MCM3: variants seen among roughly 807,000 people sequenced by gnomAD.
MCM3 encodes minichromosome maintenance complex component 3, also known as DNA replication licensing factor MCM3.
Under a neutral mutation model 91.3 loss-of-function variants are expected in MCM3, and 59 were observed. The ratio of observed to expected loss-of-function variants is 0.65; its 90% CI spans 0.52 to 0.80. The LOEUF is 0.80. MCM3 is among the 30% of genes least tolerant of loss of function. The pLI, the probability that MCM3 is intolerant of heterozygous loss-of-function variation, is 0.00. For missense variants in MCM3, 919 were observed against 1,035.4 expected (o/e 0.89, Z 1.54); for synonymous variants, 383 against 379.6 (o/e 1.01, Z -0.10).
At chr6:52,270,689 T>C (rs1765056706) in intron 12 of MCM3, among the ~76,000 whole-genome samples, 1 of 151,998 alleles carries the variant, frequency 6.6e-6, no homozygotes, top group African/African-American at 2.4e-5. Flanking sequence ...ATTAAAATAG[T>C]GTATGACGCT....
At chr6:52,266,546 G>A (rs1764656133) in intron 15 of MCM3, 65 bp downstream of exon 15, 6 of 1,421,534 alleles carry the variant, frequency 4.2e-6, no homozygotes, top group Non-Finnish European at 5.0e-6. Context: ...AAAGTGCACA[G>A]AGCAACTGGA....
In MCM3 at chr6:52,282,762, C is replaced by T; in HGVS notation, c.291G>A (p.Glu97=). 3.7e-6 allele frequency: 6 copies of T among 1,614,108 alleles called. 1 individual carries two copies. In the South Asian group the frequency reaches 5.5e-5, roughly 15 times the overall value. Reference sequence around the variant, plus strand: ...AGCTGCCTTCCAGTCCTACGTAGAACTCCTCATACTGCTTGGCATAGGTAG... The same window carrying T: ...AGCTGCCTTCCAGTCCTACGTAGAATTCCTCATACTGCTTGGCATAGGTAG... ...IDATYAKQYE[E]FYVGLEGSFG... Residue 97 remains glutamate (E), a synonymous_variant, in exon 3 of 17, where the codon GAG becomes GAA. Coordinates refer to ENST00000596288, the MANE Select transcript of MCM3 (RefSeq NM_002388.6).
Position 52,282,158 on chromosome 6 carries a change from T to C in MCM3, c.418A>G (p.Lys140Glu), listed in dbSNP as rs900735602. 4 of 1,614,044 alleles carry C rather than the reference T, an allele frequency of 2.5e-6. No homozygotes were observed. Among genetic ancestry groups the C allele is most frequent in the Non-Finnish European group, 2.5e-6 (3 of 1,179,998 alleles). Residue 140 changes from lysine (K) to glutamate (E), a missense_variant, in exon 4 of 17, where the codon AAA becomes GAA. Lys to Glu is a moderately conservative substitution (Grantham distance 56, BLOSUM62 1). Around this residue, in one of 3 missense-constraint regions of MCM3, gnomAD observed 401 missense variants for 402.7 expected, o/e 1.00. Coordinates refer to ENST00000596288, the MANE Select transcript of MCM3 (RefSeq NM_002388.6). ...CAGTAGTGGACACTGCGGACGACTTTGGGACGAACTAGAGAACCTAGGGAT... is the reference window on the plus strand; with the variant it reads ...CAGTAGTGGACACTGCGGACGACTTCGGGACGAACTAGAGAACCTAGGGAT... ...IVTKCSLVRP[K>E]VVRSVHYCPA...
chr6:52,266,664 C>G lies in MCM3; in HGVS notation c.2105G>C (p.Gly702Ala), dbSNP rs1764666892. 1 of 1,614,026 alleles carries G rather than the reference C, an allele frequency of 6.2e-7. No individual in the cohort carries two copies. ...RKTRQPDAKD[G>A]DSYDPYDFSD... ...GAAGTCATAGGGGTCGTATGAATCC[C>G]CATCTTTGGCATCTGGCTGGCGAGT... The change falls in exon 15 of 17, where the codon GGG (glycine) becomes GCG (alanine). Residue 702 changes from glycine (G) to alanine (A), a missense_variant. Around this residue, in one of 3 missense-constraint regions of MCM3, gnomAD observed 285 missense variants for 311.4 expected, o/e 0.92. Transcript: ENST00000596288.
At chr6:52,283,547 C>T (rs532785401) in intron 1 of MCM3, 141 bp from the exon 2 acceptor site, 1 of 663,224 alleles carries the variant, frequency 1.5e-6, no homozygotes, top group African/African-American at 1.8e-5. Flanking sequence ...TCATCAATTT[C>T]TCCCTTTCAT....
intron 11 of MCM3, 91 bp from the exon 12 acceptor site, chr6:52,272,542 A>T (rs1211105314): frequency 2.7e-6 from 4 of 1,468,692 alleles, no homozygotes; most frequent in African/African-American, 2.8e-5. Context: ...GCCAGGGTCA[A>T]AACAAAGCCT....
At chr6:52,270,328 C>CAAAAAAAAAA (rs35565084) in intron 12 of MCM3, among the ~76,000 whole-genome samples, 5 of 103,460 alleles carry the variant, frequency 4.8e-5, no homozygotes, top group Non-Finnish European at 7.8e-5. Context: ...GATTCCATCT[C>CAAAAAAAAAA]AAAAAAAAAA....
At chr6:52,275,974 T>G (rs1452774138) in intron 9 of MCM3, 5 of 331,648 alleles carry the variant, frequency 1.5e-5, no homozygotes, top group Non-Finnish European at 2.8e-5. Context: ...TTAGAAATTC[T>G]CCCGCCACAT....
chr6:52,284,509 G>T, intron 1 of MCM3, 88 bp downstream of exon 1: 1 of 1,241,546 alleles, frequency 8.1e-7, no homozygotes, highest in Non-Finnish European at 1.1e-6. Context: ...CACACGGTCT[G>T]GAGGTCTGGC....
At chr6:52,284,389 A>T (rs556191326) in intron 1 of MCM3, among the ~76,000 whole-genome samples, 1 of 152,306 alleles carries the variant, frequency 6.6e-6, no homozygotes, top group South Asian at 2.1e-4. Context: ...TGTACTTAAG[A>T]GAAAGCTGGC....
intron 1 of MCM3, among the ~76,000 whole-genome samples, chr6:52,283,615 C>A (rs552779036): frequency 1.3e-5 from 2 of 152,332 alleles, no homozygotes; most frequent in African/African-American, 2.4e-5. Context: ...ATTATAATGA[C>A]TTCCTCAAGG....
At position 52,264,604 on chromosome 6, in the gene MCM3, A is replaced by G. The variant is rs781049022; in HGVS notation, c.2411T>C (p.Ile804Thr). ...GAGGCCTCCTCAGATGAGGAAGATGATGCCCTCAGACACCATGACCTGATT... is the reference window on the plus strand; with the variant it reads ...GAGGCCTCCTCAGATGAGGAAGATGGTGCCCTCAGACACCATGACCTGATT... ...DDNQVMVSEGIIFLI is the reference protein window; with the variant it reads ...DDNQVMVSEGTIFLI Residue 804 changes from isoleucine (I) to threonine (T), a missense_variant, in exon 17 of 17, where the codon ATC becomes ACC. Around this residue, in one of 3 missense-constraint regions of MCM3, gnomAD observed 285 missense variants for 311.4 expected, o/e 0.92. Transcript: ENST00000596288. The G allele has an allele frequency of 1.2e-6, 2 of 1,614,094 alleles. No individual in the cohort carries two copies. The highest frequency in any genetic ancestry group is 2.7e-5 in the African/African-American group (2 of 74,932).
intron 16 of MCM3, 112 bp from the exon 17 acceptor site, chr6:52,264,898 T>C (rs1290894816): frequency 1.2e-6 from 1 of 863,190 alleles, no homozygotes. Flanking sequence ...GTCCCCTCAA[T>C]ATTCTTTCTC....
At chr6:52,283,138 GAA>G (rs59102970) in intron 2 of MCM3, among the ~76,000 whole-genome samples, 154 bp downstream of exon 2, 22 of 136,344 alleles carry the variant, frequency 1.6e-4, no homozygotes, top group African/African-American at 5.7e-4. Context: ...CCCACTTTTT[GAA>G]AAAAAAAAAA....
At chr6:52,270,000 A>G (rs1764966455) in intron 12 of MCM3, among the ~76,000 whole-genome samples, 2 of 152,216 alleles carry the variant, frequency 1.3e-5, no homozygotes, top group South Asian at 4.1e-4. Flanking sequence ...TCCACAGTCC[A>G]AAAGCTAGCT....
chr6:52,266,001 C>T (rs1764615024), intron 16 of MCM3, 74 bp downstream of exon 16: 21 of 1,354,730 alleles, frequency 1.6e-5, no homozygotes, highest in Non-Finnish European at 2.0e-5. Flanking sequence ...TTCCCACCCT[C>T]TCCAAGGGAA....
In MCM3 at chr6:52,276,282, G is replaced by T; in HGVS notation, c.1360C>A (p.Pro454Thr). Residue 454 changes from proline to threonine, a missense_variant, in exon 9 of 17, where the codon CCT becomes ACT. Around this residue, in one of 3 missense-constraint regions of MCM3, gnomAD observed 233 missense variants for 321.2 expected, o/e 0.73. Transcript: ENST00000596288. Reference protein sequence around the residue: ...ARCSVLAAANPVYGRYDQYKT... With the variant: ...ARCSVLAAANTVYGRYDQYKT... ...ATTCCACTTACCCTGCCGTAGACAG[G>T]GTTGGCAGCTGCCAAAACACTGCAG... 6.2e-7 allele frequency: 1 copy of T among 1,611,510 alleles called. No homozygotes were observed.
At chr6:52,275,541 T>C (rs910572392) in intron 9 of MCM3, among the ~76,000 whole-genome samples, 1 of 152,214 alleles carries the variant, frequency 6.6e-6, no homozygotes, top group African/African-American at 2.4e-5. Flanking sequence ...AAAATGCACA[T>C]AACTCTTAAT....
At position 52,284,624 on chromosome 6, in the gene MCM3, T is replaced by C. The variant is rs1347472459; in HGVS notation, c.51A>G (p.Arg17=). 1.9e-6 allele frequency: 3 copies of C among 1,608,222 alleles called. No homozygotes were observed. The highest frequency in any genetic ancestry group is 2.5e-6 in the Non-Finnish European group (3 of 1,178,290). ...CGTCGTCCAGGAAGTCCAGGTAATC[T>C]CTCTGAGCCTCCCGCAGCTCCACAT... ...LDDVELREAQ[R]DYLDFLDDEE... is the part of the protein sequence containing the mutation. The change falls in exon 1 of 17, where the codon AGA becomes AGG. Residue 17 remains arginine, a synonymous_variant. Transcript: ENST00000596288.
Sources: gnomAD v4.1 joint callset for allele counts (sites outside exome capture counted in the v4.1 genomes callset) on GRCh38, gnomAD v4.1.1 for gene constraint, gnomAD v4.1.1 regional missense constraint, MANE v1.5 for transcripts, NCBI Gene and HGNC (gene_info 2026-07-23, HGNC 2026-07-21) for gene names.